SKAP2: variants seen among roughly 807,000 people sequenced by gnomAD.
The protein encoded by SKAP2 is src kinase-associated phosphoprotein 2.
Under a neutral mutation model 54.9 loss-of-function variants are expected in SKAP2, and 28 were observed. The observed-to-expected ratio is 0.51, with a 90% CI of 0.38 to 0.70. The LOEUF is 0.70. Among genes scored for constraint, SKAP2 ranks in the 30% least tolerant of loss-of-function variants. The pLI, the probability that SKAP2 is intolerant of heterozygous loss-of-function variation, is 0.00. For missense variants in SKAP2, 356 were observed against 424.1 expected (o/e 0.84, Z 1.41); for synonymous variants, 137 against 134.3 (o/e 1.02, Z -0.14).
intron 1 of SKAP2, among the ~76,000 whole-genome samples, chr7:26,856,873 TAAAC>T (rs997086628): frequency 2.6e-5 from 4 of 151,804 alleles, no homozygotes; most frequent in African/African-American, 9.7e-5. Context: ...AATCCAAGTT[TAAAC>T]AAACAATCTA....
chr7:26,701,361 T>C (rs1387426180), intron 9 of SKAP2, among the ~76,000 whole-genome samples: 1 of 152,198 alleles, frequency 6.6e-6, no homozygotes, highest in Non-Finnish European at 1.5e-5. Flanking sequence ...GTGCTTATCA[T>C]AATTTATAAA....
At chr7:26,835,924 G>A (rs537448819) in intron 4 of SKAP2, among the ~76,000 whole-genome samples, 4 of 152,024 alleles carry the variant, frequency 2.6e-5, no homozygotes, top group Admixed American at 1.3e-4. Flanking sequence ...GAGGCATCAC[G>A]CTATCTGACT....
chr7:26,781,190 A>G lies in SKAP2; in HGVS notation c.308-41226T>C, dbSNP rs1004652778. Reference sequence around the variant, plus strand: ...CTTATCCCTCATCAACACAGAATCAATATAAATGTGACCCTCTTACACTAT... The same window carrying G: ...CTTATCCCTCATCAACACAGAATCAGTATAAATGTGACCCTCTTACACTAT... On this transcript the variant is annotated intron_variant, in intron 4 of 12. Coordinates refer to ENST00000345317, the MANE Select transcript of SKAP2 (RefSeq NM_003930.5). 2.6e-5 allele frequency among the ~76,000 whole-genome samples: 4 copies of G among 152,272 alleles called. No homozygotes were observed. The East Asian group carries it at 7.7e-4, about 29-fold the overall frequency.
chr7:26,843,976 T>C (rs1462119844), intron 4 of SKAP2, 54 bp downstream of exon 4: 3 of 1,083,400 alleles, frequency 2.8e-6, no homozygotes, highest in Non-Finnish European at 4.3e-6. Flanking sequence ...ACCACCCATA[T>C]ATATAGCATT....
downstream of SKAP2, among the ~76,000 whole-genome samples, chr7:26,664,982 T>G (rs1786080540): frequency 6.6e-6 from 1 of 152,154 alleles, no homozygotes; most frequent in Admixed American, 6.6e-5. Context: ...AGCACTCAAG[T>G]TAACATAATC....
chr7:26,706,205 A>AT (rs1393651650), intron 9 of SKAP2, among the ~76,000 whole-genome samples: 20 of 152,136 alleles, frequency 1.3e-4, no homozygotes, highest in Admixed American at 1.3e-3. Context: ...CCCATAGCTA[A>AT]CAAGTGTTTT....
At chr7:26,824,364 G>A (rs1225290300) in intron 4 of SKAP2, among the ~76,000 whole-genome samples, 1 of 152,074 alleles carries the variant, frequency 6.6e-6, no homozygotes, top group Admixed American at 6.5e-5. Context: ...GGAAAAAGAG[G>A]GTGCATCCTT....
At chr7:26,741,530 C>T (rs924129755) in intron 4 of SKAP2, among the ~76,000 whole-genome samples, 4 of 145,680 alleles carry the variant, frequency 2.7e-5, no homozygotes, top group African/African-American at 1.1e-4. Context: ...TAGAGTGAGA[C>T]CCTGTCTCTA....
intron 9 of SKAP2, among the ~76,000 whole-genome samples, chr7:26,693,012 A>G (rs754360617): frequency 2.6e-5 from 4 of 152,192 alleles, no homozygotes; most frequent in Non-Finnish European, 4.4e-5. Flanking sequence ...CATCAATACA[A>G]TAAGTATTAT....
At chr7:26,787,038 C>G (rs1182835958) in intron 4 of SKAP2, among the ~76,000 whole-genome samples, 1 of 152,138 alleles carries the variant, frequency 6.6e-6, no homozygotes, top group African/African-American at 2.4e-5. Flanking sequence ...TTGAAGTTCT[C>G]AAGTAAACTC....
At chr7:26,848,434 G>A (rs189439941) in intron 3 of SKAP2, among the ~76,000 whole-genome samples, 25 of 152,148 alleles carry the variant, frequency 1.6e-4, no homozygotes, top group Middle Eastern at 3.4e-3. Flanking sequence ...TTCAATGTAC[G>A]CAAACTTTAG....
intron 4 of SKAP2, among the ~76,000 whole-genome samples, chr7:26,797,115 C>T (rs745706374): frequency 3.9e-5 from 6 of 152,206 alleles, no homozygotes; most frequent in African/African-American, 1.2e-4. Flanking sequence ...CTGGACCCAC[C>T]GGGGATTAGG....
At chr7:26,710,650 T>G (rs1484614184) in intron 9 of SKAP2, among the ~76,000 whole-genome samples, 1 of 152,176 alleles carries the variant, frequency 6.6e-6, no homozygotes, top group Non-Finnish European at 1.5e-5. Context: ...GACTGTGAGA[T>G]TTCAGCAAGA....
intron 6 of SKAP2, among the ~76,000 whole-genome samples, chr7:26,734,554 T>C (rs950230576): frequency 3.3e-5 from 5 of 152,160 alleles, no homozygotes; most frequent in African/African-American, 9.7e-5. Flanking sequence ...GCTGCTATAA[T>C]ACCCAAAACT....
At chr7:26,743,372 A>G (rs1782496533) in intron 4 of SKAP2, among the ~76,000 whole-genome samples, 1 of 152,210 alleles carries the variant, frequency 6.6e-6, no homozygotes, top group Non-Finnish European at 1.5e-5. Flanking sequence ...TTGCTCAGAG[A>G]AAGTTAATCA....
At chr7:26,744,029 G>A (rs780907826) in intron 4 of SKAP2, among the ~76,000 whole-genome samples, 7 of 152,126 alleles carry the variant, frequency 4.6e-5, no homozygotes, top group Admixed American at 2.6e-4. Flanking sequence ...CAAGCTTCAA[G>A]TATGGATACT....
At chr7:26,716,903 CTCT>C (rs1471623819) in intron 9 of SKAP2, among the ~76,000 whole-genome samples, 2 of 152,166 alleles carry the variant, frequency 1.3e-5, no homozygotes, top group South Asian at 4.1e-4. Flanking sequence ...TTAGTTTTGC[CTCT>C]TTTTTAGATT....
At chr7:26,847,272 A>T (rs1784943197) in intron 3 of SKAP2, among the ~76,000 whole-genome samples, 1 of 152,132 alleles carries the variant, frequency 6.6e-6, no homozygotes, top group Non-Finnish European at 1.5e-5. Context: ...ATTAAGTGGA[A>T]AGGACACATC....
intron 3 of SKAP2, among the ~76,000 whole-genome samples, chr7:26,847,361 TC>T (rs1350264140): frequency 6.6e-6 from 1 of 152,094 alleles, no homozygotes; most frequent in African/African-American, 2.4e-5. Flanking sequence ...AATTTTTTTT[TC>T]GACCCAATAA....
Sources: allele counts gnomAD v4.1 joint callset (sites outside exome capture counted in the v4.1 genomes callset), GRCh38; gene constraint gnomAD v4.1.1; transcripts MANE v1.5; gene names NCBI Gene and HGNC (gene_info 2026-07-23, HGNC 2026-07-21).